Variants in CNOT4 observed in about 807,000 individuals in gnomAD.
CNOT4 encodes CCR4-NOT transcription complex subunit 4, also known as CCR4-associated factor 4.
CNOT4 carries 8 observed loss-of-function variants against 73.8 expected under a neutral mutation model. That is an observed-to-expected ratio of 0.11 (90% CI 0.06 to 0.20). The LOEUF (loss-of-function observed/expected upper bound fraction) is 0.20. CNOT4 is among the 10% of genes least tolerant of loss of function. The pLI is 1.00. For synonymous variants in CNOT4, 293 were observed against 321.1 expected (o/e 0.91, Z 0.94); for missense variants, 564 against 883.4 (o/e 0.64, Z 4.58).
chr7:135,371,949 C>CA (rs1216304735), intron 10 of CNOT4, among the ~76,000 whole-genome samples: 1 of 152,056 alleles, frequency 6.6e-6, no homozygotes, highest in African/African-American at 2.4e-5. Flanking sequence ...TAAGTGAGCA[C>CA]AAAACTGAGC....
At chr7:135,414,284 C>G in intron 5 of CNOT4, 47 bp downstream of exon 5, 1 of 736,906 alleles carries the variant, frequency 1.4e-6, no homozygotes. Flanking sequence ...TATATTTTAT[C>G]TCGTCTTCCT....
At position 135,494,790 on chromosome 7, in the gene CNOT4, A is replaced by G. The variant is rs1264462652; in HGVS notation, c.-93+15099T>C. On this transcript the variant is annotated intron_variant, in intron 1 of 11. Transcript: ENST00000541284. ...AAGTGTAAATAAATAGAGTAAGTAG[A>G]CATCCAAAGTTTTCTCCAATAACAT... is the stretch of plus-strand genomic sequence containing the variant. Among the ~76,000 whole-genome samples, 3 of 152,324 alleles carry G rather than the reference A, an allele frequency of 2.0e-5. No homozygotes were observed. In the East Asian group the frequency reaches 5.8e-4, roughly 29 times the overall value.
intron 10 of CNOT4, among the ~76,000 whole-genome samples, chr7:135,373,205 C>A (rs1795316049): frequency 6.6e-6 from 1 of 152,152 alleles, no homozygotes; most frequent in African/African-American, 2.4e-5. Flanking sequence ...GAAAGCAAGA[C>A]AAAGCTATGT....
intron 10 of CNOT4, chr7:135,387,440 T>G: frequency 2.0e-6 from 2 of 983,508 alleles, no homozygotes; most frequent in Non-Finnish European, 2.4e-6. Flanking sequence ...AGAGGTAACC[T>G]TGAAAACTCC....
intron 1 of CNOT4, among the ~76,000 whole-genome samples, chr7:135,497,735 T>C (rs1335005486): frequency 6.6e-6 from 1 of 152,224 alleles, no homozygotes; most frequent in Non-Finnish European, 1.5e-5. Flanking sequence ...TCATTTTCTA[T>C]TGTATCCATA....
rs560666694 is a variant in CNOT4 at position 135,380,041 on chromosome 7, A to G, written c.1627+13877T>C. On this transcript the variant is annotated intron_variant, in intron 10 of 11. Coordinates refer to ENST00000541284, the MANE Select transcript of CNOT4 (RefSeq NM_001190850.2). ...AGATTTCTTGCATTTCTTCTTGGAG[A>G]TAGTGATAGCATTATCATCTTTAAA... Among the ~76,000 whole-genome samples the G allele has an allele frequency of 1.4e-3, 208 of 152,238 alleles. 3 individuals are homozygous for G. The highest frequency in any genetic ancestry group is 4.6e-3 in the African/African-American group (191 of 41,540).
intron 1 of CNOT4, among the ~76,000 whole-genome samples, chr7:135,505,986 T>C (rs964837770): frequency 1.1e-4 from 16 of 152,338 alleles, no homozygotes; most frequent in African/African-American, 3.8e-4. Flanking sequence ...GTCCCACATA[T>C]CTTCTTTCCT....
chr7:135,443,248 G>A (rs1799600929), intron 1 of CNOT4, among the ~76,000 whole-genome samples: 2 of 151,668 alleles, frequency 1.3e-5, no homozygotes, highest in Non-Finnish European at 1.5e-5. Flanking sequence ...CCAGCTACTT[G>A]GGAGGCTGGG....
At chr7:135,380,927 C>T (rs553540886) in intron 10 of CNOT4, among the ~76,000 whole-genome samples, 29 of 152,256 alleles carry the variant, frequency 1.9e-4, no homozygotes, top group Non-Finnish European at 3.8e-4. Context: ...GTTATCCTTT[C>T]CTTGGGTTTT....
chr7:135,456,773 C>T (rs769770798), intron 1 of CNOT4, among the ~76,000 whole-genome samples: 1 of 151,742 alleles, frequency 6.6e-6, no homozygotes, highest in Non-Finnish European at 1.5e-5. Context: ...GAAAATTTTC[C>T]ATCCATGGGT....
At chr7:135,425,319 T>G (rs1051551720) in intron 2 of CNOT4, among the ~76,000 whole-genome samples, 6 of 152,178 alleles carry the variant, frequency 3.9e-5, no homozygotes, top group African/African-American at 1.4e-4. Context: ...AAATACTGAT[T>G]ACACATGAGG....
chr7:135,426,009 C>A (rs1473394964), intron 2 of CNOT4, among the ~76,000 whole-genome samples: 1 of 151,856 alleles, frequency 6.6e-6, no homozygotes, highest in East Asian at 1.9e-4. Context: ...AGGAGGATTG[C>A]AAGACAGCCT....
chr7:135,363,052 G>C lies in CNOT4; in HGVS notation c.1975C>G (p.Pro659Ala), dbSNP rs1224283072. 6 of 1,613,956 alleles carry C rather than the reference G, an allele frequency of 3.7e-6. No individual in the cohort carries two copies. The highest frequency in any genetic ancestry group is 5.1e-6 in the Non-Finnish European group (6 of 1,179,986). Residue 659 changes from proline to alanine, a missense_variant, in exon 12 of 12, where the codon CCC (proline) becomes GCC (alanine). By Grantham distance (27) the Pro-to-Ala change is conservative. Around this residue, in one of 10 missense-constraint regions of CNOT4, gnomAD observed 88 missense variants for 94.7 expected, o/e 0.93. Coordinates refer to ENST00000541284, the MANE Select transcript of CNOT4 (RefSeq NM_001190850.2). The surrounding 1 kb of genome is among the most constrained non-coding windows in gnomAD (Gnocchi z 4.3). ...TGCAGCGGGATCTGTGTGCTGAAGGGGGCGCTGTGGTGGGTCTGTGATGGA... is the reference window on the plus strand; with the variant it reads ...TGCAGCGGGATCTGTGTGCTGAAGGCGGCGCTGTGGTGGGTCTGTGATGGA... ...AAPSQTHHSAPFSTQIPLHRA... is the reference protein window; with the variant it reads ...AAPSQTHHSAAFSTQIPLHRA...
intron 2 of CNOT4, among the ~76,000 whole-genome samples, chr7:135,427,151 T>C (rs1020643352): frequency 1.3e-5 from 2 of 152,318 alleles, no homozygotes; most frequent in African/African-American, 2.4e-5. Context: ...CTAGTTAACA[T>C]GGTTTGCAGT....
chr7:135,415,114 G>A, intron 4 of CNOT4, 62 bp downstream of exon 4: 2 of 955,734 alleles, frequency 2.1e-6, no homozygotes, highest in East Asian at 2.4e-5. Context: ...GTTTCCTTTG[G>A]AACAGCCCAG....
rs921741593 is a variant in CNOT4, at chr7:135,500,637, C to G, written c.-93+9252G>C. On this transcript the variant is annotated intron_variant, in intron 1 of 11. Coordinates refer to ENST00000541284, the MANE Select transcript of CNOT4 (RefSeq NM_001190850.2). ...TTCACAATCTCCCTGTATACTTCCT[C>G]AGCCTGCGGACCTACCTTTATTCAT... Among the ~76,000 whole-genome samples, 4 of 152,196 alleles carry G rather than the reference C, an allele frequency of 2.6e-5. No homozygotes were observed. The South Asian group carries it at 6.2e-4, about 24-fold the overall frequency.
intron 6 of CNOT4, among the ~76,000 whole-genome samples, chr7:135,410,892 T>C (rs553720079): frequency 2.9e-4 from 44 of 151,854 alleles, no homozygotes; most frequent in Admixed American, 4.6e-4. Context: ...ATATATCTGA[T>C]AAATTAAATT....
intron 10 of CNOT4, chr7:135,388,209 C>T: frequency 2.0e-6 from 2 of 985,100 alleles, no homozygotes; most frequent in African/African-American, 1.7e-5. Context: ...TGCAAAAGTG[C>T]AAAAGAGAGA....
intron 1 of CNOT4, among the ~76,000 whole-genome samples, chr7:135,473,704 G>A: frequency 6.6e-6 from 1 of 152,152 alleles, no homozygotes; most frequent in Non-Finnish European, 1.5e-5. Context: ...CCGAGATCAT[G>A]CCACTGCACT....
Sources: allele counts gnomAD v4.1 joint callset (sites outside exome capture counted in the v4.1 genomes callset), GRCh38; gene constraint gnomAD v4.1.1; regional missense constraint gnomAD v4.1.1; non-coding constraint Gnocchi (gnomAD v3.1); transcripts MANE v1.5; gene names NCBI Gene and HGNC (gene_info 2026-07-23, HGNC 2026-07-21).